The following SLC44A5 variants were observed in gnomAD, a reference collection of about 807,000 sequenced individuals.
The protein encoded by SLC44A5 is choline transporter-like protein 5.
A neutral mutation model predicts 101.8 loss-of-function variants in SLC44A5; 57 were observed. The observed-to-expected ratio is 0.56, with a 90% CI of 0.45 to 0.70. The LOEUF is 0.70. SLC44A5 is among the 30% of genes least tolerant of loss of function. The pLI, the probability that SLC44A5 is intolerant of heterozygous loss-of-function variation, is 0.00. For synonymous variants in SLC44A5, 281 were observed against 290.9 expected, an observed-to-expected ratio of 0.97 and a Z score of 0.35; for missense variants, 737 against 853.1, an observed-to-expected ratio of 0.86 and a Z score of 1.70.
intron 3 of SLC44A5, among the ~76,000 whole-genome samples, chr1:75,345,684 G>T (rs1658201106): frequency 6.6e-6 from 1 of 152,126 alleles, no homozygotes; most frequent in Non-Finnish European, 1.5e-5. Context: ...ATGTGTGAAA[G>T]CTAGACAACA....
the SLC44A5 span, among the ~76,000 whole-genome samples, chr1:75,675,942 GA>G: frequency 6.6e-6 from 1 of 152,026 alleles, no homozygotes; most frequent in Non-Finnish European, 1.5e-5. Context: ...ACAAACATAT[GA>G]AAAAAAGCTC....
chr1:75,265,261 C>T (rs1650891701), intron 6 of SLC44A5, among the ~76,000 whole-genome samples: 3 of 151,976 alleles, frequency 2.0e-5, no homozygotes, highest in Non-Finnish European at 4.4e-5. Context: ...TCTGTGAGGC[C>T]AGCATTACTT....
In SLC44A5 at chr1:75,536,831, C is replaced by G. The variant is rs906482746; in HGVS notation, c.13+4604G>C. Among the ~76,000 whole-genome samples, 4 of 140,832 alleles carry G rather than the reference C, an allele frequency of 2.8e-5. No individual in the cohort carries two copies. The Admixed American group carries it at 2.9e-4, about 10-fold the overall frequency. 92.4% of individuals were successfully genotyped at this position (140,832 alleles called of 152,430 possible). ...ACCATCCCGGCTAAAACGGTGAAAC[C>G]CCGTCTCTACTAAAAATACAAAAAA... On this transcript the variant is annotated intron_variant, in intron 2 of 23. Transcript: ENST00000370859.
At chr1:75,474,484 T>A (rs1667278743) in intron 2 of SLC44A5, among the ~76,000 whole-genome samples, 1 of 152,224 alleles carries the variant, frequency 6.6e-6, no homozygotes, top group Admixed American at 6.5e-5. Flanking sequence ...ACTTTAACAT[T>A]TTCTGGATTG....
chr1:75,470,574 A>G (rs1409683888), intron 2 of SLC44A5, among the ~76,000 whole-genome samples: 1 of 152,220 alleles, frequency 6.6e-6, no homozygotes, highest in African/African-American at 2.4e-5. Context: ...AGGAGGGGCC[A>G]TAACCCAGAC....
chr1:75,514,462 T>A (rs1176767825), intron 2 of SLC44A5, among the ~76,000 whole-genome samples: 1 of 152,196 alleles, frequency 6.6e-6, no homozygotes, highest in Non-Finnish European at 1.5e-5. Context: ...TAACATGGCA[T>A]CCAAGTGAAA....
chr1:75,215,777 A>C lies in SLC44A5; in HGVS notation c.1705T>G (p.Leu569Val), dbSNP rs768441492. 3 of 1,604,572 alleles carry C rather than the reference A, an allele frequency of 1.9e-6. No homozygotes were observed. Among genetic ancestry groups the C allele is most frequent in the Admixed American group, 3.3e-5 (2 of 59,832 alleles). The stretch of plus-strand genomic sequence containing the variant: ...ACCATAATATAGGCATTTCTGTTTA[A>C]AAACTTTATTGCATTTTCCAAACAC... Reference protein sequence around the residue: ...FWCLENAIKFLNRNAYIMIAI... With the variant: ...FWCLENAIKFVNRNAYIMIAI... The change falls in exon 19 of 24, where the codon TTA (leucine) becomes GTA (valine). Residue 569 changes from leucine to valine, a missense_variant. Physicochemically the swap from Leu to Val is conservative, Grantham distance 32. Around this residue, in one of 3 missense-constraint regions of SLC44A5, gnomAD observed 665 missense variants for 764.4 expected, o/e 0.87. Coordinates refer to ENST00000370859, the MANE Select transcript of SLC44A5 (RefSeq NM_001130058.2).
chr1:75,336,517 T>G (rs1657456918), intron 4 of SLC44A5, among the ~76,000 whole-genome samples: 1 of 152,164 alleles, frequency 6.6e-6, no homozygotes, highest in African/African-American at 2.4e-5. Context: ...AATTGCATCC[T>G]TTTTTCAGGA....
At chr1:75,690,140 G>C in the SLC44A5 span, among the ~76,000 whole-genome samples, 1 of 152,144 alleles carries the variant, frequency 6.6e-6, no homozygotes, top group Non-Finnish European at 1.5e-5. Context: ...CTGGAGACTG[G>C]GTAATTTATA....
At chr1:75,374,381 G>A (rs1256766448) in intron 3 of SLC44A5, among the ~76,000 whole-genome samples, 2 of 152,138 alleles carry the variant, frequency 1.3e-5, no homozygotes, top group African/African-American at 4.8e-5. Context: ...AGGTCTCCAG[G>A]GAATTGTGGG....
chr1:75,547,665 C>T (rs775206863), intron 1 of SLC44A5, among the ~76,000 whole-genome samples: 1 of 152,130 alleles, frequency 6.6e-6, no homozygotes, highest in Admixed American at 6.6e-5. Context: ...TTTGAGAAAG[C>T]AAGCCAAAGC....
At chr1:75,567,058 G>T (rs1157960947) in intron 1 of SLC44A5, among the ~76,000 whole-genome samples, 1 of 152,142 alleles carries the variant, frequency 6.6e-6, no homozygotes, top group Non-Finnish European at 1.5e-5. Context: ...ACGTTGACTA[G>T]AGGCAAGGGT....
chr1:75,566,098 T>A (rs1005447956), intron 1 of SLC44A5, among the ~76,000 whole-genome samples: 2 of 152,192 alleles, frequency 1.3e-5, no homozygotes, highest in African/African-American at 4.8e-5. Context: ...GAAATCAATG[T>A]TGGAGGCTGT....
intron 1 of SLC44A5, among the ~76,000 whole-genome samples, chr1:75,599,366 A>G (rs1459077388): frequency 6.6e-6 from 1 of 152,192 alleles, no homozygotes; most frequent in African/African-American, 2.4e-5. Flanking sequence ...TAGCGCATCA[A>G]CAGAACAATT....
rs143213817 is a variant in SLC44A5, at chr1:75,529,960, T to C, written c.13+11475A>G. On this transcript the variant is annotated intron_variant, in intron 2 of 23. Transcript: ENST00000370859. Reference sequence around the variant, plus strand: ...TGGAATATTTACATATTGAAGTTTATGCTCCAAAGTATCAAATTTAGTGAC... The same window carrying C: ...TGGAATATTTACATATTGAAGTTTACGCTCCAAAGTATCAAATTTAGTGAC... Among the ~76,000 whole-genome samples the C allele has an allele frequency of 5.9e-3, 904 of 152,294 alleles. 16 individuals are homozygous for C. The highest frequency in any genetic ancestry group is 0.037 in the Admixed American group (571 of 15,298).
chr1:75,241,695 CTG>C (rs768942746), intron 9 of SLC44A5, among the ~76,000 whole-genome samples: 1 of 152,000 alleles, frequency 6.6e-6, no homozygotes, highest in African/African-American at 2.4e-5. Context: ...ATGAGCATAT[CTG>C]TGTGTGTGTT....
chr1:75,213,820 A>G lies in SLC44A5; in HGVS notation c.1874-27T>C, dbSNP rs1379582824. On this transcript the variant is annotated intron_variant, in intron 21 of 23. Transcript: ENST00000370859. The stretch of plus-strand genomic sequence containing the variant: ...TACATTGAAAAGGTAGAACATGTAT[A>G]TTATACTTTTGCAAAAGAATATAGT... The G allele has an allele frequency of 1.9e-6, 3 of 1,572,004 alleles. No individual in the cohort carries two copies. In the Admixed American group the frequency reaches 5.2e-5, roughly 27 times the overall value.
At chr1:75,402,350 T>A (rs750277099) in intron 2 of SLC44A5, 63 of 269,072 alleles carry the variant, frequency 2.3e-4, no homozygotes, top group Non-Finnish European at 4.1e-4. Context: ...CGGGGTTTTT[T>A]AAGAAACAGA....
chr1:75,615,420 C>CACTCACACATACAT (rs1675829500), upstream of SLC44A5, among the ~76,000 whole-genome samples: 1 of 108,758 alleles, frequency 9.2e-6, no homozygotes, highest in Non-Finnish European at 1.9e-5. Context: ...CTCTCTTACA[C>CACTCACACATACAT]ACACACACAC....
Sources: gnomAD v4.1 joint callset for allele counts (sites outside exome capture counted in the v4.1 genomes callset) on GRCh38, gnomAD v4.1.1 for gene constraint, gnomAD v4.1.1 regional missense constraint, MANE v1.5 for transcripts, NCBI Gene and HGNC (gene_info 2026-07-23, HGNC 2026-07-21) for gene names.